The following CAMK1D variants were observed in gnomAD, a reference collection of about 807,000 sequenced individuals.
CAMK1D encodes calcium/calmodulin dependent protein kinase ID.
A neutral mutation model predicts 47.7 loss-of-function variants in CAMK1D; 9 were observed. The observed-to-expected ratio is 0.19, with a 90% CI of 0.11 to 0.33. CAMK1D has a LOEUF of 0.33. Among genes scored for constraint, CAMK1D ranks in the 10% least tolerant of loss-of-function variants. The pLI is 1.00. For missense variants in CAMK1D, 291 were observed against 488.7 expected (o/e 0.60, Z 3.81); for synonymous variants, 184 against 184.9 (o/e 0.99, Z 0.04).
At chr10:12,472,393 T>G (rs1276868865) in intron 1 of CAMK1D, among the ~76,000 whole-genome samples, 1 of 152,180 alleles carries the variant, frequency 6.6e-6, no homozygotes, top group Non-Finnish European at 1.5e-5. Flanking sequence ...GCTCTGCTTC[T>G]TCTCATTCGA....
At chr10:12,704,004 T>C (rs1833633794) in intron 3 of CAMK1D, among the ~76,000 whole-genome samples, 1 of 152,234 alleles carries the variant, frequency 6.6e-6, no homozygotes, top group Non-Finnish European at 1.5e-5. Context: ...GAGTCACTCT[T>C]CTTGGTGAGC....
chr10:12,386,470 C>T (rs1408264175), intron 1 of CAMK1D, among the ~76,000 whole-genome samples: 1 of 148,082 alleles, frequency 6.8e-6, no homozygotes, highest in African/African-American at 2.5e-5. Context: ...AAAACCCTGT[C>T]TCAAAAAAAA....
chr10:12,387,583 T>C (rs1364627133), intron 1 of CAMK1D, among the ~76,000 whole-genome samples: 1 of 147,994 alleles, frequency 6.8e-6, no homozygotes, highest in Non-Finnish European at 1.5e-5. Context: ...CTCGGCTCAC[T>C]GCAACTTCCA....
chr10:12,828,263 G>C (rs150418994), intron 10 of CAMK1D, among the ~76,000 whole-genome samples: 18 of 152,298 alleles, frequency 1.2e-4, no homozygotes, highest in African/African-American at 4.3e-4. Flanking sequence ...AAAAAGGAGA[G>C]GAGAGGTCTA....
At chr10:12,569,591 C>CT (rs1837254151) in intron 2 of CAMK1D, among the ~76,000 whole-genome samples, 2 of 150,168 alleles carry the variant, frequency 1.3e-5, no homozygotes, top group Admixed American at 6.7e-5. Context: ...TGGTGGCGGG[C>CT]GCCTGTAGTC....
intron 6 of CAMK1D, among the ~76,000 whole-genome samples, chr10:12,813,229 A>T (rs545949680): frequency 2.3e-4 from 35 of 152,308 alleles, no homozygotes; most frequent in African/African-American, 7.9e-4. Flanking sequence ...AGCCCTGCTG[A>T]TACTTACTGC....
At chr10:12,689,340 C>T (rs1832782071) in intron 3 of CAMK1D, among the ~76,000 whole-genome samples, 2 of 152,180 alleles carry the variant, frequency 1.3e-5, no homozygotes, top group South Asian at 4.1e-4. Flanking sequence ...TAACCTATTT[C>T]GCCTGTTAGT....
At chr10:12,585,747 G>A (rs779111445) in intron 2 of CAMK1D, among the ~76,000 whole-genome samples, 3 of 152,162 alleles carry the variant, frequency 2.0e-5, no homozygotes, top group African/African-American at 2.4e-5. Context: ...CCCACAACAC[G>A]TGGGAATTAT....
At chr10:12,460,274 T>C (rs1833384553) in intron 1 of CAMK1D, among the ~76,000 whole-genome samples, 1 of 151,634 alleles carries the variant, frequency 6.6e-6, no homozygotes, top group South Asian at 2.1e-4. Context: ...TTTTTTTTTT[T>C]TGAAGAGATG....
At chr10:12,827,466 CTGTCTG>C (rs754482970) in intron 10 of CAMK1D, among the ~76,000 whole-genome samples, 196 of 11,576 alleles carry the variant, frequency 0.017, 56 homozygotes, top group South Asian at 0.052. Context: ...CTTTCTTTGT[CTGTCTG>C]TCTTTCTTTC....
chr10:12,786,498 C>T (rs1837728435), intron 5 of CAMK1D, among the ~76,000 whole-genome samples: 1 of 152,194 alleles, frequency 6.6e-6, no homozygotes, highest in Non-Finnish European at 1.5e-5. Context: ...AACTTTTCCC[C>T]CATAACAACC....
chr10:12,642,063 G>GAA (rs1339177409), intron 2 of CAMK1D, among the ~76,000 whole-genome samples: 6 of 145,482 alleles, frequency 4.1e-5, no homozygotes, highest in African/African-American at 1.5e-4. Context: ...AAAAAAAAAA[G>GAA]AAAGAAAAGG....
At chr10:12,591,972 G>T (rs562415777) in intron 2 of CAMK1D, among the ~76,000 whole-genome samples, 2 of 152,232 alleles carry the variant, frequency 1.3e-5, no homozygotes, top group Non-Finnish European at 2.9e-5. Context: ...GATTACAGGC[G>T]TGAGCCACCA....
At chr10:12,553,519 C>G (rs909029071) in intron 2 of CAMK1D, among the ~76,000 whole-genome samples, 163 bp downstream of exon 2, 4 of 152,190 alleles carry the variant, frequency 2.6e-5, no homozygotes, top group African/African-American at 9.6e-5. Context: ...TCCCATAGAC[C>G]TCTCGTGTCT....
chr10:12,667,157 T>G (rs1449217385), intron 3 of CAMK1D, among the ~76,000 whole-genome samples: 3 of 152,176 alleles, frequency 2.0e-5, no homozygotes, highest in Admixed American at 6.5e-5. Flanking sequence ...TAAGGTACAC[T>G]TTGCTCCTGT....
At chr10:12,797,750 T>C (rs1213156320) in intron 6 of CAMK1D, among the ~76,000 whole-genome samples, 1 of 152,158 alleles carries the variant, frequency 6.6e-6, no homozygotes, top group African/African-American at 2.4e-5. Context: ...ATCCTGGGGA[T>C]GCTAAATGCC....
At chr10:12,489,334 G>A (rs1274439711) in intron 1 of CAMK1D, among the ~76,000 whole-genome samples, 1 of 152,158 alleles carries the variant, frequency 6.6e-6, no homozygotes, top group Admixed American at 6.5e-5. Flanking sequence ...CATGTGCTTA[G>A]AAATGAAAAG....
At chr10:12,663,357 T>A (rs539831390) in intron 2 of CAMK1D, among the ~76,000 whole-genome samples, 2 of 152,292 alleles carry the variant, frequency 1.3e-5, no homozygotes, top group Middle Eastern at 3.4e-3. Context: ...AAATGAGTGA[T>A]GATAGAGCAA....
chr10:12,477,873 A>G (rs1317348979), intron 1 of CAMK1D, among the ~76,000 whole-genome samples: 1 of 152,280 alleles, frequency 6.6e-6, no homozygotes, highest in Admixed American at 6.5e-5. Context: ...GTTGGATCCC[A>G]TGGAATCCCG....
Sources: gnomAD v4.1 joint callset for allele counts (sites outside exome capture counted in the v4.1 genomes callset) on GRCh38, gnomAD v4.1.1 for gene constraint, MANE v1.5 for transcripts, NCBI Gene and HGNC (gene_info 2026-07-23, HGNC 2026-07-21) for gene names.